Variants in PTPN3 observed in about 807,000 individuals in gnomAD.
The protein encoded by PTPN3 is tyrosine-protein phosphatase non-receptor type 3.
Under a neutral mutation model 132.7 loss-of-function variants are expected in PTPN3, and 96 were observed. The observed-to-expected ratio is 0.72, with a 90% CI of 0.61 to 0.86. The LOEUF (loss-of-function observed/expected upper bound fraction) is 0.86, where lower values mean the gene tolerates loss of function less well. PTPN3 is among the 40% of genes least tolerant of loss of function. The pLI is 0.00. For synonymous variants in PTPN3, 398 were observed against 429.0 expected (o/e 0.93, Z 0.89); for missense variants, 1,125 against 1,159.6 (o/e 0.97, Z 0.43).
At chr9:109,459,365 T>A (rs928548589) in intron 2 of PTPN3, among the ~76,000 whole-genome samples, 2 of 152,138 alleles carry the variant, frequency 1.3e-5, no homozygotes, top group Non-Finnish European at 2.9e-5. Flanking sequence ...GTGCAAACAA[T>A]TCCTACACAT....
chr9:109,537,072 A>G, the PTPN3 span, among the ~76,000 whole-genome samples: 7 of 152,168 alleles, frequency 4.6e-5, no homozygotes, highest in Admixed American at 6.5e-5. Context: ...CAGGACTCCA[A>G]GACTCCAAGG....
chr9:109,396,358 T>C (rs773333264), intron 19 of PTPN3, among the ~76,000 whole-genome samples: 100 of 152,148 alleles, frequency 6.6e-4, no homozygotes, highest in Non-Finnish European at 1.0e-3. Flanking sequence ...GTATGAGACA[T>C]GGCTTTTAAG....
At chr9:109,425,012 C>T (rs1482027839) in intron 12 of PTPN3, among the ~76,000 whole-genome samples, 1 of 152,190 alleles carries the variant, frequency 6.6e-6, no homozygotes, top group Non-Finnish European at 1.5e-5. Flanking sequence ...CAGTTGCCTC[C>T]CCATTCCTTC....
intron 1 of PTPN3, among the ~76,000 whole-genome samples, chr9:109,490,182 C>CA (rs1470947538): frequency 5.3e-5 from 8 of 150,618 alleles, no homozygotes; most frequent in Middle Eastern, 3.4e-3. Flanking sequence ...GACTCCATCT[C>CA]AAAAAAAACA....
intron 1 of PTPN3, among the ~76,000 whole-genome samples, chr9:109,477,727 G>C (rs572412462): frequency 2.9e-3 from 439 of 152,306 alleles, no homozygotes; most frequent in Non-Finnish European, 5.3e-3. Context: ...TTTGGCCTGG[G>C]GCCGCTCCTA....
chr9:109,424,337 A>G lies in PTPN3; in HGVS notation c.1002-1485T>C, dbSNP rs1843093908. 3.3e-5 allele frequency among the ~76,000 whole-genome samples: 5 copies of G among 152,286 alleles called. No individual in the cohort carries two copies. The South Asian group carries it at 1.0e-3, about 32-fold the overall frequency. On this transcript the variant is annotated intron_variant, in intron 12 of 25. Transcript: ENST00000374541. The stretch of plus-strand genomic sequence containing the variant: ...ATGGAGGTAATGAGACTTGAAATTC[A>G]CCAGTATGCTGAAGCTGGCACAGGT...
chr9:109,469,580 T>C (rs1846267014), intron 1 of PTPN3, among the ~76,000 whole-genome samples: 1 of 152,186 alleles, frequency 6.6e-6, no homozygotes. Context: ...GATCGCGCCA[T>C]TGCACTCCAG....
At chr9:109,443,237 C>T (rs1338625734) in intron 7 of PTPN3, among the ~76,000 whole-genome samples, 5 of 151,950 alleles carry the variant, frequency 3.3e-5, no homozygotes, top group Non-Finnish European at 4.4e-5. Context: ...CCACCACACC[C>T]AGCTAATTTT....
chr9:109,416,316 A>G (rs1278813599), intron 14 of PTPN3, among the ~76,000 whole-genome samples: 1 of 152,162 alleles, frequency 6.6e-6, no homozygotes, highest in Admixed American at 6.5e-5. Context: ...ACACAGCTGC[A>G]CTGTAGGGGA....
chr9:109,438,328 T>C (rs1844207843), intron 7 of PTPN3, 94 bp from the exon 8 acceptor site: 2 of 1,355,994 alleles, frequency 1.5e-6, no homozygotes, highest in Non-Finnish European at 2.0e-6. Context: ...CAGAATAACA[T>C]TAATTAGAAA....
At chr9:109,392,380 A>ATT (rs879679294) in intron 19 of PTPN3, among the ~76,000 whole-genome samples, 1 of 144,660 alleles carries the variant, frequency 6.9e-6, no homozygotes. Flanking sequence ...GTTGGAAGTG[A>ATT]TTTTTTTTTT....
chr9:109,469,583 C>T (rs1294458603), intron 1 of PTPN3, among the ~76,000 whole-genome samples: 1 of 152,234 alleles, frequency 6.6e-6, no homozygotes, highest in African/African-American at 2.4e-5. Flanking sequence ...CGCGCCATTG[C>T]ACTCCAGCCT....
the PTPN3 span, among the ~76,000 whole-genome samples, chr9:109,525,481 C>G: frequency 6.6e-6 from 1 of 152,302 alleles, no homozygotes; most frequent in South Asian, 2.1e-4. Context: ...TTAAAAGATA[C>G]CCAATGCCAG....
At chr9:109,429,600 C>T (rs945211671) in intron 10 of PTPN3, among the ~76,000 whole-genome samples, 1 of 152,144 alleles carries the variant, frequency 6.6e-6, no homozygotes, top group Non-Finnish European at 1.5e-5. Context: ...TCTTTTTAAC[C>T]AAACATGGAT....
chr9:109,397,140 T>C (rs574520972), intron 19 of PTPN3, among the ~76,000 whole-genome samples: 139 of 152,336 alleles, frequency 9.1e-4, no homozygotes, highest in African/African-American at 3.2e-3. Flanking sequence ...CAGAAGCAGA[T>C]TGCCTTTCAT....
chr9:109,513,097 C>G, the PTPN3 span, among the ~76,000 whole-genome samples: 3 of 152,236 alleles, frequency 2.0e-5, no homozygotes, highest in Non-Finnish European at 4.4e-5. Flanking sequence ...CAGCCTCAAC[C>G]TCCTGGGTCT....
intron 5 of PTPN3, chr9:109,449,921 T>C (rs1845137725): frequency 2.5e-5 from 25 of 985,348 alleles, no homozygotes; most frequent in Non-Finnish European, 3.0e-5. Context: ...TTCCGGGCTT[T>C]GTACATGGTA....
At chr9:109,406,138 CAG>C (rs1325203215) in intron 18 of PTPN3, among the ~76,000 whole-genome samples, 1 of 152,158 alleles carries the variant, frequency 6.6e-6, no homozygotes, top group Admixed American at 6.5e-5. Context: ...CAAATGTCTG[CAG>C]AGTCATGCCA....
At chr9:109,491,768 T>A (rs1291100658) in intron 1 of PTPN3, among the ~76,000 whole-genome samples, 2 of 152,222 alleles carry the variant, frequency 1.3e-5, no homozygotes, top group East Asian at 3.9e-4. Flanking sequence ...GATGAAGTAA[T>A]CAGTGGGGAG....
Sources: allele counts gnomAD v4.1 joint callset (sites outside exome capture counted in the v4.1 genomes callset), GRCh38; gene constraint gnomAD v4.1.1; transcripts MANE v1.5; gene names NCBI Gene and HGNC (gene_info 2026-07-23, HGNC 2026-07-21).